The following DCDC1 variants were observed in gnomAD, a reference collection of about 807,000 sequenced individuals.
DCDC1 encodes doublecortin domain containing 1, also known as doublecortin domain-containing protein 1.
A neutral mutation model predicts 178.3 loss-of-function variants in DCDC1; 200 were observed. The ratio of observed to expected loss-of-function variants is 1.12; its 90% CI spans 1.00 to 1.26. The LOEUF (loss-of-function observed/expected upper bound fraction) is 1.26, where lower values mean the gene tolerates loss of function less well. Among genes scored for constraint, DCDC1 ranks in the 50% most tolerant of loss-of-function variants. The probability of loss-of-function intolerance (pLI) is 0.00; values close to 1 mark genes in which losing one functional copy is unlikely to be tolerated. For synonymous variants in DCDC1, 690 were observed against 604.8 expected (o/e 1.14, Z -2.07); for missense variants, 1,983 against 1,749.2 (o/e 1.13, Z -2.38).
chr11:31,255,468 A>G (rs1008052009), intron 8 of DCDC1, among the ~76,000 whole-genome samples: 1 of 151,926 alleles, frequency 6.6e-6, no homozygotes, highest in African/African-American at 2.4e-5. Flanking sequence ...AACACTTGTT[A>G]TTCTCTGTGT....
intron 11 of DCDC1, among the ~76,000 whole-genome samples, chr11:31,115,629 A>C (rs1959783316): frequency 6.6e-6 from 1 of 152,158 alleles, no homozygotes; most frequent in Non-Finnish European, 1.5e-5. Context: ...TAAACACATA[A>C]TGAACATACA....
chr11:31,288,762 A>G (rs1056906490), intron 7 of DCDC1, among the ~76,000 whole-genome samples: 1 of 151,840 alleles, frequency 6.6e-6, no homozygotes, highest in Non-Finnish European at 1.5e-5. Context: ...TATTTCTATT[A>G]CTGATTTGGT....
chr11:31,103,804 A>G (rs1958666687), intron 13 of DCDC1, 35 bp from the exon 14 acceptor site: 2 of 754,898 alleles, frequency 2.6e-6, no homozygotes, highest in Non-Finnish European at 2.4e-6. Flanking sequence ...ACTATCTTCA[A>G]AATTAGACAT....
chr11:31,038,946 A>C (rs1401984895), intron 20 of DCDC1, among the ~76,000 whole-genome samples: 1 of 152,188 alleles, frequency 6.6e-6, no homozygotes, highest in Non-Finnish European at 1.5e-5. Flanking sequence ...AAAGGGACTT[A>C]CAAAAGAAAT....
At chr11:30,921,465 A>C (rs930859428) in intron 24 of DCDC1, among the ~76,000 whole-genome samples, 1 of 152,228 alleles carries the variant, frequency 6.6e-6, no homozygotes, top group Non-Finnish European at 1.5e-5. Flanking sequence ...AAAGAAAAGC[A>C]AAAGTCCAAA....
Position 30,923,479 on chromosome 11 carries a change from A to G in DCDC1, c.2998-841T>C, listed in dbSNP as rs569162211. On this transcript the variant is annotated intron_variant, in intron 23 of 38. Coordinates refer to ENST00000684477, the MANE Select transcript of DCDC1 (RefSeq NM_001387274.1). ...AATATTTCTTTAAAGATGAGAAAAGAAAGTGATATATTGAGAAAGGCTCAG... is the reference window on the plus strand; with the variant it reads ...AATATTTCTTTAAAGATGAGAAAAGGAAGTGATATATTGAGAAAGGCTCAG... 1.5e-4 allele frequency among the ~76,000 whole-genome samples: 22 copies of G among 151,116 alleles called. No individual in the cohort carries two copies. The South Asian group carries it at 4.6e-3, about 32-fold the overall frequency.
At chr11:31,237,324 C>A (rs1289609299) in intron 9 of DCDC1, among the ~76,000 whole-genome samples, 2 of 151,788 alleles carry the variant, frequency 1.3e-5, no homozygotes, top group Non-Finnish European at 2.9e-5. Flanking sequence ...GTTATTTCCT[C>A]ATCAAATAAT....
At position 30,899,722 on chromosome 11, in the gene DCDC1, C is replaced by T. The variant is rs78100920; in HGVS notation, c.4664-80G>A. 956 of 1,001,986 alleles carry T rather than the reference C, an allele frequency of 9.5e-4. 10 individuals carry two copies. The African/African-American group carries it at 0.014, about 14-fold the overall frequency. 62.1% of individuals were successfully genotyped at this position (1,001,986 alleles called of 1,614,324 possible). A position where few individuals can be genotyped will look rare whatever the true frequency, so the allele number is the denominator to read the frequency against. On this transcript the variant is annotated intron_variant, in intron 33 of 38. Coordinates refer to ENST00000684477, the MANE Select transcript of DCDC1 (RefSeq NM_001387274.1). ...AATAATTTATAAAGAACTTTCTGCTCAAAGAAATAGATTCAATTAGAAACA... is the reference window on the plus strand; with the variant it reads ...AATAATTTATAAAGAACTTTCTGCTTAAAGAAATAGATTCAATTAGAAACA...
rs1181283136 is a variant in DCDC1 at position 30,900,465 on chromosome 11, A to C, written c.4544T>G (p.Phe1515Cys). 6.4e-7 allele frequency: 1 copy of C among 1,553,190 alleles called. No individual in the cohort carries two copies. The highest frequency in any genetic ancestry group is 8.7e-7 in the Non-Finnish European group (1 of 1,147,644). Residue 1515 changes from phenylalanine to cysteine, a missense_variant, in exon 33 of 39, where the codon TTT (phenylalanine) becomes TGT (cysteine). Transcript: ENST00000684477. ...NPRMKVKNRL[F>C]AKSVTSDSLD... ...ACTATCGGATGTCACAGATTTTGCA[A>C]ATAATCTGTTTTTCACTTTCATTCT...
chr11:31,200,643 T>C (rs1283727722), intron 9 of DCDC1, among the ~76,000 whole-genome samples: 1 of 151,940 alleles, frequency 6.6e-6, no homozygotes, highest in East Asian at 1.9e-4. Flanking sequence ...TAAAAAATAA[T>C]ATTATTTTTT....
chr11:30,995,386 C>T (rs961893956), intron 20 of DCDC1, among the ~76,000 whole-genome samples: 2 of 152,054 alleles, frequency 1.3e-5, no homozygotes, highest in Non-Finnish European at 2.9e-5. Context: ...CCAGCAAACT[C>T]TTTTGTAGAT....
intron 20 of DCDC1, among the ~76,000 whole-genome samples, chr11:30,971,841 C>A (rs1379375833): frequency 2.0e-5 from 3 of 152,138 alleles, no homozygotes; most frequent in South Asian, 4.1e-4. Context: ...GATCTCCTGA[C>A]CTTGTGATCG....
chr11:30,941,498 G>A (rs913811581), intron 21 of DCDC1, among the ~76,000 whole-genome samples: 3 of 151,906 alleles, frequency 2.0e-5, no homozygotes, highest in Admixed American at 2.0e-4. Context: ...ACATTTCCTG[G>A]CATGCTATTT....
intron 9 of DCDC1, among the ~76,000 whole-genome samples, chr11:31,226,709 A>T (rs1591475569): frequency 1.3e-4 from 3 of 23,010 alleles, no homozygotes; most frequent in African/African-American, 3.8e-4. Context: ...TCTCATCTCT[A>T]AAAAAAAAAA....
chr11:31,041,462 A>C (rs1954442703), intron 20 of DCDC1, among the ~76,000 whole-genome samples: 1 of 152,204 alleles, frequency 6.6e-6, no homozygotes, highest in African/African-American at 2.4e-5. Context: ...ACATTGATTT[A>C]CTTAATCACA....
intron 20 of DCDC1, among the ~76,000 whole-genome samples, chr11:31,022,375 C>G (rs1952930842): frequency 6.6e-6 from 1 of 152,056 alleles, no homozygotes; most frequent in African/African-American, 2.4e-5. Flanking sequence ...TTTTCCTCTT[C>G]TTCAAAGGAC....
In DCDC1 at chr11:31,140,683, T is replaced by G. The variant is rs560288120; in HGVS notation, c.1222-2899A>C. ...GTCAAAGAAAACTGAACAAAATTTT[T>G]TCAGGAAAATGGTCTGGTTAGACAA... On this transcript the variant is annotated intron_variant, in intron 9 of 38. Coordinates refer to ENST00000684477, the MANE Select transcript of DCDC1 (RefSeq NM_001387274.1). Among the ~76,000 whole-genome samples the G allele has an allele frequency of 3.9e-5, 6 of 152,184 alleles. No individual in the cohort carries two copies. In the East Asian group the frequency reaches 1.2e-3, roughly 29 times the overall value.
At chr11:31,035,373 G>T (rs1456750176) in intron 20 of DCDC1, among the ~76,000 whole-genome samples, 1 of 152,118 alleles carries the variant, frequency 6.6e-6, no homozygotes, top group Non-Finnish European at 1.5e-5. Flanking sequence ...ACTGCATTTA[G>T]TTATCACGTC....
In DCDC1 at chr11:30,976,882, C is replaced by T. The variant is rs61878164; in HGVS notation, c.2592-24314G>A. 5.5e-3 allele frequency among the ~76,000 whole-genome samples: 831 copies of T among 152,284 alleles called. 13 individuals are homozygous for T. The highest frequency in any genetic ancestry group is 8.1e-3 in the Non-Finnish European group (551 of 68,002). ...AGTATATCAAAAGGATACCTACACTCCTGTCTTTATTGCAGCATTATTCAC... is the reference window on the plus strand; with the variant it reads ...AGTATATCAAAAGGATACCTACACTTCTGTCTTTATTGCAGCATTATTCAC... On this transcript the variant is annotated intron_variant, in intron 20 of 38. Coordinates refer to ENST00000684477, the MANE Select transcript of DCDC1 (RefSeq NM_001387274.1).
Sources: gnomAD v4.1 joint callset for allele counts (sites outside exome capture counted in the v4.1 genomes callset) on GRCh38, gnomAD v4.1.1 for gene constraint, MANE v1.5 for transcripts, NCBI Gene and HGNC (gene_info 2026-07-23, HGNC 2026-07-21) for gene names.